NAV2: variants seen among roughly 807,000 people sequenced by gnomAD.
The protein encoded by NAV2 is neuron navigator 2.
In NAV2, 54 loss-of-function variants were observed where a neutral mutation model predicts 223.2. That is an observed-to-expected ratio of 0.24 (90% CI 0.19 to 0.30). The LOEUF (loss-of-function observed/expected upper bound fraction) is 0.30. Among genes scored for constraint, NAV2 ranks in the 10% least tolerant of loss-of-function variants. The pLI is 1.00. For missense variants in NAV2, 2,806 were observed against 3,147.5 expected (o/e 0.89, Z 2.60); for synonymous variants, 1,279 against 1,239.3 (o/e 1.03, Z -0.67).
At chr11:19,594,996 C>T (rs550518260) in intron 1 of NAV2, among the ~76,000 whole-genome samples, 6 of 152,228 alleles carry the variant, frequency 3.9e-5, no homozygotes, top group African/African-American at 1.4e-4. Context: ...GACACCAAGA[C>T]AAGGACTTAG....
chr11:19,525,388 T>C (rs2043810785), intron 1 of NAV2, among the ~76,000 whole-genome samples: 1 of 152,182 alleles, frequency 6.6e-6, no homozygotes, highest in Non-Finnish European at 1.5e-5. Context: ...TTAAGTGGTG[T>C]TGGATATGCT....
intron 1 of NAV2, among the ~76,000 whole-genome samples, chr11:19,614,263 GTTC>G (rs1407676689): frequency 2.0e-5 from 3 of 152,154 alleles, no homozygotes; most frequent in African/African-American, 7.2e-5. Context: ...TGCTGGCTGT[GTTC>G]TTCTCCACTC....
At chr11:20,094,009 C>G (rs192566118) in intron 29 of NAV2, among the ~76,000 whole-genome samples, 1 of 152,178 alleles carries the variant, frequency 6.6e-6, no homozygotes, top group Non-Finnish European at 1.5e-5. Context: ...GCTAGGGAAC[C>G]CACAGAACAA....
intron 1 of NAV2, among the ~76,000 whole-genome samples, chr11:19,668,390 A>G (rs1228811823): frequency 6.6e-6 from 1 of 152,018 alleles, no homozygotes; most frequent in East Asian, 1.9e-4. Flanking sequence ...AAAATCAGCC[A>G]GGCGTGGTGA....
Position 20,103,416 on chromosome 11 carries a change from G to C in NAV2, c.6572+7G>C. ...ACTGCAAGTACCACAAATGGTAAAG[G>C]CTGGTTCTGGACCTCATAGCCCCCC... is the stretch of plus-strand genomic sequence containing the variant. On this transcript the variant is annotated splice_region_variant and intron_variant, in intron 33 of 37. Coordinates refer to ENST00000349880, the MANE Select transcript of NAV2 (RefSeq NM_145117.5). The C allele has an allele frequency of 6.2e-7, 1 of 1,612,218 alleles. No individual in the cohort carries two copies. Among genetic ancestry groups the C allele is most frequent in the Non-Finnish European group, 8.5e-7 (1 of 1,178,990 alleles).
In NAV2 at chr11:20,117,728, C is replaced by T. The variant is rs1205555322; in HGVS notation, c.7165-405C>T. Among the ~76,000 whole-genome samples the T allele has an allele frequency of 5.3e-5, 8 of 152,194 alleles. No individual in the cohort carries two copies. The East Asian group carries it at 1.3e-3, about 26-fold the overall frequency. On this transcript the variant is annotated intron_variant, in intron 37 of 37. Coordinates refer to ENST00000349880, the MANE Select transcript of NAV2 (RefSeq NM_145117.5). The stretch of plus-strand genomic sequence containing the variant: ...TTCCAGGAACAGGGATGCTCAGCCA[C>T]ACCTTCATCCAGGCCGAGGGCTAGG...
At chr11:19,378,164 C>T (rs977602202) in intron 1 of NAV2, among the ~76,000 whole-genome samples, 2 of 152,178 alleles carry the variant, frequency 1.3e-5, no homozygotes, top group African/African-American at 4.8e-5. Flanking sequence ...CACATTTCTC[C>T]CATCCGCTTC....
chr11:19,608,139 G>A (rs2046530983), intron 1 of NAV2, among the ~76,000 whole-genome samples: 1 of 152,182 alleles, frequency 6.6e-6, no homozygotes, highest in South Asian at 2.1e-4. Flanking sequence ...GCACCACCAC[G>A]CTCTGCATTC....
At chr11:19,558,065 A>T (rs1692934141) in intron 1 of NAV2, among the ~76,000 whole-genome samples, 1 of 152,196 alleles carries the variant, frequency 6.6e-6, no homozygotes. Flanking sequence ...TGGGCTCTGG[A>T]TAGTTAGCCT....
intron 5 of NAV2, among the ~76,000 whole-genome samples, chr11:19,888,849 T>C (rs895077521): frequency 6.6e-6 from 1 of 152,198 alleles, no homozygotes; most frequent in African/African-American, 2.4e-5. Context: ...CTCTGGGGTC[T>C]TTTACACACT....
At chr11:19,503,163 T>A (rs1372028997) in intron 1 of NAV2, 1 of 152,166 alleles carries the variant, frequency 6.6e-6, no homozygotes, top group Non-Finnish European at 1.5e-5. Context: ...AATTTTGGAT[T>A]TACAGTAAAA....
chr11:19,456,987 G>C (rs1851980384), intron 1 of NAV2, among the ~76,000 whole-genome samples: 1 of 152,204 alleles, frequency 6.6e-6, no homozygotes, highest in Non-Finnish European at 1.5e-5. Context: ...CGGCTCTTCT[G>C]TAAAGTACGG....
At chr11:19,859,520 A>C (rs1392796416) in intron 3 of NAV2, among the ~76,000 whole-genome samples, 1 of 149,918 alleles carries the variant, frequency 6.7e-6, no homozygotes, top group Non-Finnish European at 1.5e-5. Context: ...AACAAAATGA[A>C]AAGTCTCCCA....
chr11:19,520,843 G>A (rs2043629024), intron 1 of NAV2, among the ~76,000 whole-genome samples: 1 of 152,240 alleles, frequency 6.6e-6, no homozygotes, highest in South Asian at 2.1e-4. Context: ...GGAGGCAGGG[G>A]CGTGGGCCTT....
chr11:19,553,937 C>T (rs1194644918), intron 1 of NAV2, among the ~76,000 whole-genome samples: 1 of 152,184 alleles, frequency 6.6e-6, no homozygotes, highest in Non-Finnish European at 1.5e-5. Flanking sequence ...CCTCTGCTGG[C>T]GAGTTTGGGT....
At chr11:19,656,587 G>A (rs2048132520) in intron 1 of NAV2, among the ~76,000 whole-genome samples, 1 of 152,206 alleles carries the variant, frequency 6.6e-6, no homozygotes, top group South Asian at 2.1e-4. Context: ...GTTTTAATCT[G>A]ATCTCTCTGG....
chr11:19,884,538 A>G (rs1025478283), intron 5 of NAV2, among the ~76,000 whole-genome samples: 8 of 152,182 alleles, frequency 5.3e-5, no homozygotes, highest in African/African-American at 1.7e-4. Flanking sequence ...GAAAGTGGCC[A>G]TGGGATTGTT....
At chr11:19,847,287 A>C (rs554700888) in intron 3 of NAV2, among the ~76,000 whole-genome samples, 1 of 152,272 alleles carries the variant, frequency 6.6e-6, no homozygotes, top group Admixed American at 6.5e-5. Flanking sequence ...CATCATTATT[A>C]TTTTAAGCAG....
intron 11 of NAV2, among the ~76,000 whole-genome samples, chr11:19,984,876 T>C (rs764606964): frequency 1.2e-4 from 19 of 152,326 alleles, no homozygotes; most frequent in Non-Finnish European, 2.1e-4. Flanking sequence ...ACAAACTGAT[T>C]CTATGACCCT....
Sources: allele counts gnomAD v4.1 joint callset (sites outside exome capture counted in the v4.1 genomes callset), GRCh38; gene constraint gnomAD v4.1.1; transcripts MANE v1.5; gene names NCBI Gene and HGNC (gene_info 2026-07-23, HGNC 2026-07-21).